CATSPERB: variants seen among roughly 807,000 people sequenced by gnomAD.
CATSPERB encodes catsper channel auxiliary subunit beta.
Under a neutral mutation model 128.3 loss-of-function variants are expected in CATSPERB, and 93 were observed. That is an observed-to-expected ratio of 0.72 (90% CI 0.61 to 0.86). CATSPERB has a LOEUF of 0.86. CATSPERB is among the 40% of genes least tolerant of loss of function. The pLI is 0.00. For synonymous variants in CATSPERB, 381 were observed against 448.8 expected (o/e 0.85, Z 1.91); for missense variants, 1,153 against 1,329.5 (o/e 0.87, Z 2.06).
chr14:91,684,124 T>C (rs1033383695), intron 10 of CATSPERB, among the ~76,000 whole-genome samples, 181 bp from the exon 11 acceptor site: 2 of 152,216 alleles, frequency 1.3e-5, no homozygotes, highest in African/African-American at 4.8e-5. Context: ...ATATACATTT[T>C]GAACAATGCA....
At chr14:91,587,733 A>G (rs556614760) in intron 25 of CATSPERB, among the ~76,000 whole-genome samples, 5 of 151,732 alleles carry the variant, frequency 3.3e-5, no homozygotes, top group Non-Finnish European at 7.4e-5. Flanking sequence ...TTTCGGAAAC[A>G]CTCTTTCTTC....
intron 19 of CATSPERB, among the ~76,000 whole-genome samples, chr14:91,620,148 T>C (rs1894016001): frequency 6.6e-6 from 1 of 152,048 alleles, no homozygotes; most frequent in African/African-American, 2.4e-5. Flanking sequence ...AGTCTTGAAG[T>C]TTTGATTTTT....
rs538124651 is a variant in CATSPERB, at chr14:91,603,574, G to A, written c.2709+4720C>T. The A allele has an allele frequency of 1.5e-4, 96 of 660,620 alleles. 1 individual carries two copies. Among genetic ancestry groups the A allele is most frequent in the Middle Eastern group, 1.3e-3 (3 of 2,342 alleles). The allele number at this position is 660,620 out of a possible 1,614,324, so 40.9% of individuals were successfully genotyped here. ...CACCGCTCTAGAGCCTGAGAAGCGC[G>A]CACTGCCCTCAGAAGAGAGGTTTAA... On this transcript the variant is annotated intron_variant, in intron 22 of 26. Coordinates refer to ENST00000256343, the MANE Select transcript of CATSPERB (RefSeq NM_024764.4).
chr14:91,606,084 G>C (rs1041230144), intron 22 of CATSPERB, among the ~76,000 whole-genome samples: 1 of 152,132 alleles, frequency 6.6e-6, no homozygotes, highest in Admixed American at 6.5e-5. Flanking sequence ...GCTGAGGCAG[G>C]AGAATCGCTT....
chr14:91,639,047 C>T, intron 16 of CATSPERB, 49 bp downstream of exon 16: 1 of 1,464,762 alleles, frequency 6.8e-7, no homozygotes. Context: ...TTGAATGTGG[C>T]ATCTATTCTT....
intron 22 of CATSPERB, among the ~76,000 whole-genome samples, chr14:91,600,430 A>T (rs1236899396): frequency 6.6e-6 from 1 of 152,168 alleles, no homozygotes; most frequent in African/African-American, 2.4e-5. Flanking sequence ...GTCCATTCTC[A>T]TACTGCTATA....
At chr14:91,652,941 T>C (rs1419308798) in intron 15 of CATSPERB, among the ~76,000 whole-genome samples, 2 of 152,142 alleles carry the variant, frequency 1.3e-5, no homozygotes, top group Non-Finnish European at 2.9e-5. Flanking sequence ...GAATAGAGAA[T>C]AAATAAACTG....
rs770384562 is a variant in CATSPERB at position 91,599,557 on chromosome 14, A to AAAAG, written c.2710-7559_2710-7556dup. Among the ~76,000 whole-genome samples, 222 of 151,642 alleles carry AAAAG rather than the reference A, an allele frequency of 1.5e-3. 2 individuals are homozygous for AAAAG. The highest frequency in any genetic ancestry group is 2.8e-3 in the Non-Finnish European group (190 of 67,868). On this transcript the variant is annotated intron_variant, in intron 22 of 26. Transcript: ENST00000256343. The stretch of plus-strand genomic sequence containing the variant: ...CTGGGCGGCAGAGCAAAAAAAAAAA[A>AAAAG]AAAGAAAGTTTATTTTTATTTTGCC...
At chr14:91,627,813 T>C (rs879587715) in intron 17 of CATSPERB, among the ~76,000 whole-genome samples, 15 of 151,620 alleles carry the variant, frequency 9.9e-5, no homozygotes, top group Non-Finnish European at 2.2e-4. Context: ...CTAAAAACAT[T>C]TAAAAATAAA....
intron 15 of CATSPERB, among the ~76,000 whole-genome samples, chr14:91,653,795 A>G (rs117455373): frequency 0.018 from 2,714 of 152,306 alleles, 51 homozygotes; most frequent in Non-Finnish European, 0.023. Flanking sequence ...CAAACCATAT[A>G]AGAAGGTGAC....
At chr14:91,615,709 T>C (rs1053276075) in intron 20 of CATSPERB, among the ~76,000 whole-genome samples, 1 of 152,182 alleles carries the variant, frequency 6.6e-6, no homozygotes, top group African/African-American at 2.4e-5. Context: ...CTTAATGAAC[T>C]TTTAGGTTGA....
chr14:91,600,385 C>T (rs111443844), intron 22 of CATSPERB, among the ~76,000 whole-genome samples: 208 of 152,256 alleles, frequency 1.4e-3, no homozygotes, highest in African/African-American at 4.6e-3. Context: ...TATCTTTTCA[C>T]GGGCTTGTTG....
intron 10 of CATSPERB, among the ~76,000 whole-genome samples, chr14:91,685,891 G>A (rs1470872640): frequency 6.6e-6 from 1 of 152,180 alleles, no homozygotes; most frequent in East Asian, 1.9e-4. Flanking sequence ...CATTTTGTGT[G>A]TCACAAGAAT....
intron 7 of CATSPERB, among the ~76,000 whole-genome samples, chr14:91,698,169 C>T (rs1895593369): frequency 6.6e-6 from 1 of 151,988 alleles, no homozygotes; most frequent in Admixed American, 6.6e-5. Flanking sequence ...CTCGATTTGG[C>T]TCTCAGCTTG....
intron 7 of CATSPERB, among the ~76,000 whole-genome samples, chr14:91,695,878 G>A (rs1895554483): frequency 1.3e-5 from 2 of 152,196 alleles, no homozygotes; most frequent in Admixed American, 1.3e-4. Context: ...GATGGACCCT[G>A]GAGACAGCAC....
At chr14:91,671,434 G>A (rs1297927889) in intron 13 of CATSPERB, among the ~76,000 whole-genome samples, 3 of 151,952 alleles carry the variant, frequency 2.0e-5, no homozygotes, top group African/African-American at 7.3e-5. Flanking sequence ...AATTGACCAG[G>A]TGTGGTGGTG....
chr14:91,674,007 C>T (rs571997576), intron 12 of CATSPERB, among the ~76,000 whole-genome samples, 169 bp downstream of exon 12: 1 of 152,204 alleles, frequency 6.6e-6, no homozygotes, highest in Non-Finnish European at 1.5e-5. Flanking sequence ...TCCTGATTAA[C>T]ATAATTAGGT....
intron 15 of CATSPERB, among the ~76,000 whole-genome samples, chr14:91,643,421 G>A (rs1263257846): frequency 8.1e-5 from 10 of 123,366 alleles, no homozygotes; most frequent in Non-Finnish European, 1.7e-4. Flanking sequence ...CTTTGTTCTC[G>A]TTGGTTTCAA....
intron 7 of CATSPERB, among the ~76,000 whole-genome samples, chr14:91,701,801 T>C (rs1253376505): frequency 6.6e-6 from 1 of 151,470 alleles, no homozygotes; most frequent in Non-Finnish European, 1.5e-5. Context: ...GTCCCAGCTA[T>C]GTGGGAGGCT....
Sources: allele counts gnomAD v4.1 joint callset (sites outside exome capture counted in the v4.1 genomes callset), GRCh38; gene constraint gnomAD v4.1.1; transcripts MANE v1.5; gene names NCBI Gene and HGNC (gene_info 2026-07-23, HGNC 2026-07-21).